CDH13: variants seen among roughly 807,000 people sequenced by gnomAD.
CDH13 encodes cadherin-13.
Under a neutral mutation model 63.8 loss-of-function variants are expected in CDH13, and 24 were observed. The observed-to-expected ratio is 0.38, with a 90% CI of 0.27 to 0.53. CDH13 has a LOEUF of 0.53. Among genes scored for constraint, CDH13 ranks in the 20% least tolerant of loss-of-function variants. The pLI is 0.85. For missense variants in CDH13, 1,049 were observed against 903.1 expected (o/e 1.16, Z -2.07); for synonymous variants, 503 against 355.3 (o/e 1.42, Z -4.67).
chr16:83,478,752 GC>G (rs1230926416), intron 6 of CDH13, among the ~76,000 whole-genome samples: 1 of 151,110 alleles, frequency 6.6e-6, no homozygotes, highest in South Asian at 2.1e-4. Flanking sequence ...GAGTACAGGG[GC>G]AGGGATTTCT....
At chr16:83,791,272 C>T (rs1039516590) in intron 13 of CDH13, among the ~76,000 whole-genome samples, 9 of 152,148 alleles carry the variant, frequency 5.9e-5, no homozygotes, top group Non-Finnish European at 8.8e-5. Context: ...CTAGGTGGGC[C>T]GATCACCTGA....
chr16:83,167,089 AT>A (rs1236734315), intron 4 of CDH13, among the ~76,000 whole-genome samples: 2 of 152,118 alleles, frequency 1.3e-5, no homozygotes, highest in Non-Finnish European at 2.9e-5. Context: ...TGTTTTAATA[AT>A]TCCACGAAGG....
At chr16:82,773,754 T>C (rs73604807) in intron 1 of CDH13, among the ~76,000 whole-genome samples, 2,942 of 152,222 alleles carry the variant, frequency 0.019, 98 homozygotes, top group African/African-American at 0.066. Flanking sequence ...TTCTTTTTCT[T>C]AATTTATCTG....
intron 13 of CDH13, among the ~76,000 whole-genome samples, chr16:83,791,866 T>C (rs1434934377): frequency 2.6e-5 from 4 of 151,716 alleles, no homozygotes; most frequent in East Asian, 3.9e-4. Context: ...GTAAACACTT[T>C]TAAAATTTTA....
intron 2 of CDH13, among the ~76,000 whole-genome samples, chr16:82,935,065 G>A (rs1177978351): frequency 6.6e-6 from 1 of 152,162 alleles, no homozygotes; most frequent in African/African-American, 2.4e-5. Flanking sequence ...TTCTCACACT[G>A]CTACAAAGAC....
intron 2 of CDH13, among the ~76,000 whole-genome samples, chr16:83,007,889 T>C (rs1597397029): frequency 6.6e-6 from 1 of 152,166 alleles, no homozygotes; most frequent in Non-Finnish European, 1.5e-5. Context: ...TTTTTCTTTC[T>C]TTCTTTTATC....
At chr16:82,731,872 C>T (rs2033420819) in intron 1 of CDH13, among the ~76,000 whole-genome samples, 1 of 152,090 alleles carries the variant, frequency 6.6e-6, no homozygotes, top group African/African-American at 2.4e-5. Flanking sequence ...TTGTGTAGAG[C>T]CAATTATTAA....
chr16:82,910,764 C>A (rs2041805522), intron 2 of CDH13, among the ~76,000 whole-genome samples: 1 of 152,124 alleles, frequency 6.6e-6, no homozygotes, highest in African/African-American at 2.4e-5. Flanking sequence ...AAAGGATTAC[C>A]TTTTTGGTTT....
chr16:83,096,733 A>G (rs930850944), intron 3 of CDH13, among the ~76,000 whole-genome samples: 3 of 152,196 alleles, frequency 2.0e-5, no homozygotes, highest in African/African-American at 7.2e-5. Flanking sequence ...ATGTAACAAT[A>G]CTGTCGTAAT....
At chr16:83,512,109 C>G (rs766832329) in intron 7 of CDH13, among the ~76,000 whole-genome samples, 29 of 151,634 alleles carry the variant, frequency 1.9e-4, no homozygotes, top group Non-Finnish European at 3.7e-4. Flanking sequence ...ATCACGAGGT[C>G]TGGAGGTGGA....
intron 6 of CDH13, among the ~76,000 whole-genome samples, chr16:83,364,029 G>A (rs573715077): frequency 1.6e-4 from 25 of 152,184 alleles, no homozygotes; most frequent in Non-Finnish European, 2.9e-4. Flanking sequence ...CTCCAATTTA[G>A]CTAGCTTTCT....
intron 6 of CDH13, among the ~76,000 whole-genome samples, chr16:83,392,948 G>A (rs1039389663): frequency 9.0e-6 from 1 of 111,110 alleles, no homozygotes; most frequent in African/African-American, 2.7e-5. Context: ...AGGAAGTTGG[G>A]AGGGGAGAGG....
At chr16:83,469,555 C>G (rs937067896) in intron 6 of CDH13, among the ~76,000 whole-genome samples, 1 of 152,158 alleles carries the variant, frequency 6.6e-6, no homozygotes, top group Admixed American at 6.6e-5. Context: ...ATACCAGATG[C>G]TTTCAGGGCA....
chr16:83,534,990 T>C (rs975127077), intron 7 of CDH13, among the ~76,000 whole-genome samples: 6 of 152,208 alleles, frequency 3.9e-5, no homozygotes, highest in Non-Finnish European at 8.8e-5. Flanking sequence ...GTGGATATGG[T>C]TGAAGTCATT....
rs921564041 is a variant in CDH13, at chr16:83,725,518, A to G, written c.1539-22590A>G. 4 of 152,470 alleles carry G rather than the reference A, an allele frequency of 2.6e-5. No homozygotes were observed. In the East Asian group the frequency reaches 7.7e-4, roughly 29 times the overall value. 9.4% of individuals were successfully genotyped at this position (152,470 alleles called of 1,614,324 possible). On this transcript the variant is annotated intron_variant, in intron 10 of 13. Coordinates refer to ENST00000567109, the MANE Select transcript of CDH13 (RefSeq NM_001257.5). ...AGGATCTCTGCCGGGGGCAAGCGGT[A>G]TGATGTGTCCTGGTCACGGTCTGGC...
intron 3 of CDH13, among the ~76,000 whole-genome samples, chr16:83,053,557 A>G (rs151228049): frequency 0.026 from 3,999 of 152,316 alleles, 176 homozygotes; most frequent in African/African-American, 0.089. Context: ...TTTTAAAGCA[A>G]TAGATATATG....
intron 2 of CDH13, among the ~76,000 whole-genome samples, chr16:82,943,666 T>C (rs1862679): frequency 6.6e-6 from 1 of 152,044 alleles, no homozygotes; most frequent in African/African-American, 2.4e-5. Context: ...GCACTTATTA[T>C]GTCCAAGACA....
chr16:83,373,478 G>T (rs2091408698), intron 6 of CDH13, among the ~76,000 whole-genome samples: 1 of 152,092 alleles, frequency 6.6e-6, no homozygotes, highest in Non-Finnish European at 1.5e-5. Flanking sequence ...TATGTACGAA[G>T]ACCTGAAAGA....
intron 8 of CDH13, among the ~76,000 whole-genome samples, chr16:83,619,960 C>A (rs1909654296): frequency 6.6e-6 from 1 of 152,022 alleles, no homozygotes; most frequent in Non-Finnish European, 1.5e-5. Context: ...GAAAGCCACC[C>A]AGGGTGACCA....
Sources: gnomAD v4.1 joint callset for allele counts (sites outside exome capture counted in the v4.1 genomes callset) on GRCh38, gnomAD v4.1.1 for gene constraint, MANE v1.5 for transcripts, NCBI Gene and HGNC (gene_info 2026-07-23, HGNC 2026-07-21) for gene names.